The following KCNJ6 variants were observed in gnomAD, a reference collection of about 807,000 sequenced individuals.
The protein encoded by KCNJ6 is G protein-activated inward rectifier potassium channel 2.
KCNJ6 carries 9 observed loss-of-function variants against 34.2 expected under a neutral mutation model. The ratio of observed to expected loss-of-function variants is 0.26; its 90% CI spans 0.16 to 0.46. The LOEUF (loss-of-function observed/expected upper bound fraction) is 0.46. Among genes scored for constraint, KCNJ6 ranks in the 20% least tolerant of loss-of-function variants. The probability of loss-of-function intolerance (pLI) is 1.00; values close to 1 mark genes in which losing one functional copy is unlikely to be tolerated. For synonymous variants in KCNJ6, 196 were observed against 207.1 expected (o/e 0.95, Z 0.46); for missense variants, 236 against 531.3 (o/e 0.44, Z 5.46).
chr21:37,754,513 G>C (rs761527994), intron 2 of KCNJ6, among the ~76,000 whole-genome samples: 8 of 152,170 alleles, frequency 5.3e-5, no homozygotes, highest in Admixed American at 2.6e-4. Flanking sequence ...ACAGAAATAA[G>C]TGAAGGTTTA....
intron 2 of KCNJ6, among the ~76,000 whole-genome samples, chr21:37,765,257 G>A (rs1039532244): frequency 6.6e-6 from 1 of 152,106 alleles, no homozygotes; most frequent in Non-Finnish European, 1.5e-5. Flanking sequence ...TCATGACATC[G>A]CTTTGATAGC....
At chr21:37,722,290 A>AGAGAT (rs1331575463) in intron 2 of KCNJ6, among the ~76,000 whole-genome samples, 16 of 152,240 alleles carry the variant, frequency 1.1e-4, no homozygotes, top group Admixed American at 7.9e-4. Context: ...GAAAGAAATC[A>AGAGAT]GAGATGACAC....
chr21:37,910,889 T>G (rs1474592280), intron 1 of KCNJ6, among the ~76,000 whole-genome samples: 1 of 152,218 alleles, frequency 6.6e-6, no homozygotes, highest in Non-Finnish European at 1.5e-5. Context: ...GAATGACCAT[T>G]TGAACATTGC....
At chr21:37,835,073 G>C (rs933113321) in intron 2 of KCNJ6, among the ~76,000 whole-genome samples, 3 of 152,232 alleles carry the variant, frequency 2.0e-5, no homozygotes, top group Non-Finnish European at 4.4e-5. Context: ...CCAAGGAAAA[G>C]TGGGGAGTGG....
At chr21:37,647,302 T>A (rs562183822) in intron 3 of KCNJ6, among the ~76,000 whole-genome samples, 1 of 152,286 alleles carries the variant, frequency 6.6e-6, no homozygotes, top group African/African-American at 2.4e-5. Context: ...CTATTAGACA[T>A]AAAGACTTGG....
intron 3 of KCNJ6, among the ~76,000 whole-genome samples, chr21:37,628,314 T>A (rs1252089711): frequency 1.3e-5 from 2 of 152,110 alleles, no homozygotes; most frequent in East Asian, 3.9e-4. Context: ...GAAACACTGT[T>A]TCCCCAAATA....
chr21:37,857,070 T>A (rs2055569096), intron 1 of KCNJ6, among the ~76,000 whole-genome samples: 1 of 152,246 alleles, frequency 6.6e-6, no homozygotes, highest in Non-Finnish European at 1.5e-5. Flanking sequence ...TATGCATTTC[T>A]TTAAACCATT....
intron 1 of KCNJ6, among the ~76,000 whole-genome samples, chr21:37,852,481 T>G (rs1258249158): frequency 6.6e-6 from 1 of 152,296 alleles, no homozygotes; most frequent in Non-Finnish European, 1.5e-5. Context: ...GGAGACCCAG[T>G]AGGGATCCTG....
chr21:37,657,792 C>T (rs1015929838), intron 3 of KCNJ6, among the ~76,000 whole-genome samples: 3 of 152,240 alleles, frequency 2.0e-5, no homozygotes, highest in Non-Finnish European at 2.9e-5. Context: ...ATAACTGACC[C>T]GCCCAGGCCA....
chr21:37,683,196 C>A (rs2054597960), intron 3 of KCNJ6, among the ~76,000 whole-genome samples: 1 of 152,140 alleles, frequency 6.6e-6, no homozygotes, highest in African/African-American at 2.4e-5. Flanking sequence ...AAGACATCAC[C>A]AAAAATTCAC....
rs572375336 is a variant in KCNJ6 at position 37,768,183 on chromosome 21, C to T, written c.26-53052G>A. ...AGCCTGTTTGTCCTTCCCAAGCTGC[C>T]GGGTTAACAGAGTTGATTCCCTGAG... is the stretch of plus-strand genomic sequence containing the variant. On this transcript the variant is annotated intron_variant, in intron 2 of 3. Coordinates refer to ENST00000609713, the MANE Select transcript of KCNJ6 (RefSeq NM_002240.5). Among the ~76,000 whole-genome samples, 100 of 151,646 alleles carry T rather than the reference C, an allele frequency of 6.6e-4. 2 individuals are homozygous for T. Among genetic ancestry groups the T allele is most frequent in the Admixed American group, 5.5e-3 (84 of 15,230 alleles).
intron 1 of KCNJ6, among the ~76,000 whole-genome samples, chr21:37,885,979 G>A (rs1393286133): frequency 6.6e-6 from 1 of 152,092 alleles, no homozygotes; most frequent in Admixed American, 6.5e-5. Flanking sequence ...CCAGGCTCAT[G>A]AATTGCACCA....
Position 37,611,636 on chromosome 21 carries a change from A to C in KCNJ6, c.*13523T>G, listed in dbSNP as rs2054242927. The C allele has an allele frequency of 6.6e-6, 1 of 152,214 alleles. No individual in the cohort carries two copies. The highest frequency in any genetic ancestry group is 1.5e-5 in the Non-Finnish European group (1 of 68,026). The allele number at this position is 152,214 out of a possible 1,614,324, so 9.4% of individuals were successfully genotyped here. A position where few individuals can be genotyped will look rare whatever the true frequency, so the allele number is the denominator to read the frequency against. On this transcript the variant is annotated 3_prime_UTR_variant, in exon 4 of 4. Coordinates refer to ENST00000609713, the MANE Select transcript of KCNJ6 (RefSeq NM_002240.5). ...TCCAACAATATATGAAAATAATTAA[A>C]CACCATGACCAGGTGGAATTTGTCC... is the stretch of plus-strand genomic sequence containing the variant.
At chr21:37,833,934 T>C (rs1239075135) in intron 2 of KCNJ6, among the ~76,000 whole-genome samples, 1 of 152,212 alleles carries the variant, frequency 6.6e-6, no homozygotes, top group East Asian at 1.9e-4. Flanking sequence ...ACCACCTGCA[T>C]TTCTAGCCCT....
chr21:37,706,809 G>C (rs1347135262), intron 3 of KCNJ6, among the ~76,000 whole-genome samples: 4 of 152,346 alleles, frequency 2.6e-5, no homozygotes, highest in South Asian at 4.1e-4. Context: ...ATATTATTTG[G>C]TTAACAGCAC....
At chr21:37,822,684 T>A (rs2055379152) in intron 2 of KCNJ6, among the ~76,000 whole-genome samples, 1 of 152,210 alleles carries the variant, frequency 6.6e-6, no homozygotes, top group Non-Finnish European at 1.5e-5. Context: ...ACCTCTAATC[T>A]CTATGGATTC....
intron 1 of KCNJ6, among the ~76,000 whole-genome samples, chr21:37,848,845 C>A (rs572225755): frequency 6.6e-6 from 1 of 152,208 alleles, no homozygotes; most frequent in East Asian, 1.9e-4. Context: ...TTCTCCAAAC[C>A]CAGCTGTGTG....
chr21:37,747,615 T>C (rs1330336915), intron 2 of KCNJ6, among the ~76,000 whole-genome samples: 1 of 151,934 alleles, frequency 6.6e-6, no homozygotes, highest in Non-Finnish European at 1.5e-5. Flanking sequence ...CAAGAGTCCT[T>C]TTAAGTGGGA....
At chr21:37,689,135 G>A (rs987464383) in intron 3 of KCNJ6, among the ~76,000 whole-genome samples, 14 of 152,284 alleles carry the variant, frequency 9.2e-5, no homozygotes, top group African/African-American at 3.4e-4. Flanking sequence ...TTGAAGTGCA[G>A]GAGGAAATGA....
Sources: allele counts gnomAD v4.1 joint callset (sites outside exome capture counted in the v4.1 genomes callset), GRCh38; gene constraint gnomAD v4.1.1; transcripts MANE v1.5; gene names NCBI Gene and HGNC (gene_info 2026-07-23, HGNC 2026-07-21).